The following GPHN variants were observed in gnomAD, a reference collection of about 807,000 sequenced individuals.
GPHN encodes the protein gephyrin.
Under a neutral mutation model 95.5 loss-of-function variants are expected in GPHN, and 17 were observed. The observed-to-expected ratio is 0.18, with a 90% CI of 0.12 to 0.27. GPHN has a LOEUF of 0.27. GPHN is among the 10% of genes least tolerant of loss of function. The probability of loss-of-function intolerance (pLI) is 1.00; values close to 1 mark genes in which losing one functional copy is unlikely to be tolerated. For missense variants in GPHN, 660 were observed against 978.1 expected, an observed-to-expected ratio of 0.67 and a Z score of 4.34; for synonymous variants, 320 against 322.5, an observed-to-expected ratio of 0.99 and a Z score of 0.08.
At chr14:66,553,499 T>C (rs1446540669) in intron 1 of GPHN, among the ~76,000 whole-genome samples, 1 of 152,202 alleles carries the variant, frequency 6.6e-6, no homozygotes, top group Non-Finnish European at 1.5e-5. Flanking sequence ...AGAATTTTGA[T>C]TGATTGGTCT....
intron 1 of GPHN, among the ~76,000 whole-genome samples, chr14:66,543,623 G>C (rs2059429519): frequency 6.6e-6 from 1 of 152,068 alleles, no homozygotes; most frequent in Non-Finnish European, 1.5e-5. Flanking sequence ...CTGATTCCCT[G>C]CCTAACACTT....
chr14:67,206,282 T>C, the GPHN span, among the ~76,000 whole-genome samples: 2 of 152,120 alleles, frequency 1.3e-5, no homozygotes, highest in Admixed American at 1.3e-4. Context: ...GCAGATCACC[T>C]GAGGTCAGGA....
intron 2 of GPHN, among the ~76,000 whole-genome samples, chr14:66,750,153 GTTA>G (rs983570386): frequency 3.2e-4 from 48 of 151,828 alleles, no homozygotes; most frequent in Non-Finnish European, 1.3e-4. Context: ...TATCTAAAAA[GTTA>G]TTACCAACCC....
the GPHN span, chr14:67,733,684 A>G: frequency 9.0e-7 from 1 of 1,106,302 alleles, no homozygotes. Context: ...GAAAGGGACC[A>G]TAAAGATTTC....
chr14:66,797,455 A>G (rs955357962), intron 3 of GPHN, among the ~76,000 whole-genome samples: 4 of 151,878 alleles, frequency 2.6e-5, no homozygotes, highest in Admixed American at 2.6e-4. Flanking sequence ...TTACTCTTCT[A>G]ATCCATGAAC....
At chr14:67,446,586 C>A in the GPHN span, among the ~76,000 whole-genome samples, 1 of 152,172 alleles carries the variant, frequency 6.6e-6, no homozygotes, top group Non-Finnish European at 1.5e-5. Context: ...CCAGAATGTC[C>A]TTTCCCAGGA....
chr14:66,965,368 T>C (rs779810940), intron 9 of GPHN, 43 bp downstream of exon 9: 2 of 1,579,104 alleles, frequency 1.3e-6, no homozygotes, highest in Non-Finnish European at 8.7e-7. Context: ...TCTTCTATAG[T>C]AATCTGGGAA....
At chr14:66,553,533 G>T (rs1181150923) in intron 1 of GPHN, among the ~76,000 whole-genome samples, 1 of 151,628 alleles carries the variant, frequency 6.6e-6, no homozygotes, top group African/African-American at 2.4e-5. Context: ...TCCTGCCAAC[G>T]TCAATATACT....
At chr14:67,622,916 T>G in the GPHN span, among the ~76,000 whole-genome samples, 2 of 152,232 alleles carry the variant, frequency 1.3e-5, no homozygotes, top group South Asian at 4.1e-4. Flanking sequence ...CTCTTACTCA[T>G]GCTTTGTAGA....
At chr14:67,535,333 T>G in the GPHN span, among the ~76,000 whole-genome samples, 13 of 146,180 alleles carry the variant, frequency 8.9e-5, no homozygotes, top group Admixed American at 2.7e-4. Flanking sequence ...TGACCTCCTC[T>G]CCAGATCTCC....
chr14:66,612,322 C>T (rs1234954077), intron 1 of GPHN, among the ~76,000 whole-genome samples: 1 of 151,600 alleles, frequency 6.6e-6, no homozygotes, highest in African/African-American at 2.4e-5. Context: ...AAACATTCTC[C>T]TATCCAGTTA....
At chr14:67,620,016 G>A in the GPHN span, 7 of 1,611,142 alleles carry the variant, frequency 4.3e-6, no homozygotes, top group Non-Finnish European at 4.2e-6. Flanking sequence ...TCCTCCAGAC[G>A]CGAGTGCATT....
At chr14:66,818,437 G>GT (rs1445181794) in intron 3 of GPHN, among the ~76,000 whole-genome samples, 3 of 152,074 alleles carry the variant, frequency 2.0e-5, no homozygotes, top group Non-Finnish European at 2.9e-5. Flanking sequence ...TGATCTCATT[G>GT]TTTTTTGTGG....
the GPHN span, among the ~76,000 whole-genome samples, chr14:67,284,231 T>G: frequency 6.6e-6 from 1 of 152,092 alleles, no homozygotes; most frequent in Admixed American, 6.6e-5. Flanking sequence ...AAAATAACTT[T>G]ATTAAGGTAT....
the GPHN span, chr14:67,279,132 T>G: frequency 6.7e-7 from 1 of 1,484,804 alleles, no homozygotes; most frequent in Non-Finnish European, 8.9e-7. Context: ...ATAGGAAAAA[T>G]TGATTTATAA....
intron 3 of GPHN, among the ~76,000 whole-genome samples, chr14:66,824,043 A>G (rs530150533): frequency 6.1e-4 from 93 of 152,282 alleles, no homozygotes; most frequent in Non-Finnish European, 3.2e-4. Flanking sequence ...ATTTAAGCAC[A>G]TTGTACTTCA....
intron 18 of GPHN, among the ~76,000 whole-genome samples, chr14:67,146,686 A>G (rs1467884475): frequency 6.6e-6 from 1 of 152,206 alleles, no homozygotes; most frequent in Non-Finnish European, 1.5e-5. Flanking sequence ...TTAATTAACC[A>G]TGTAAGCTCC....
At chr14:66,847,930 T>C (rs2062405974) in intron 4 of GPHN, among the ~76,000 whole-genome samples, 4 of 151,974 alleles carry the variant, frequency 2.6e-5, no homozygotes, top group African/African-American at 7.3e-5. Context: ...AGAGATCAGG[T>C]GGGTGAGAAA....
In GPHN at chr14:66,677,300, A is replaced by C. The variant is rs192260485; in HGVS notation, c.65-3807A>C. Among the ~76,000 whole-genome samples the C allele has an allele frequency of 2.1e-3, 325 of 151,414 alleles. 1 individual carries two copies. Among genetic ancestry groups the C allele is most frequent in the African/African-American group, 7.4e-3 (305 of 41,310 alleles). On this transcript the variant is annotated intron_variant, in intron 1 of 22. Transcript: ENST00000478722. Reference sequence around the variant, plus strand: ...TCTGCTCTGATGTTTCCTTCTTCTTATTTTAGGTTTGGCTTGTTCTTCCTT... The same window carrying C: ...TCTGCTCTGATGTTTCCTTCTTCTTCTTTTAGGTTTGGCTTGTTCTTCCTT...
Sources: allele counts gnomAD v4.1 joint callset (sites outside exome capture counted in the v4.1 genomes callset), GRCh38; gene constraint gnomAD v4.1.1; transcripts MANE v1.5; gene names NCBI Gene and HGNC (gene_info 2026-07-23, HGNC 2026-07-21).